Variants in ABCB5 observed in about 807,000 individuals in gnomAD.
ABCB5 encodes the protein ATP binding cassette subfamily B member 5, also known as ATP-binding cassette sub-family B member 5.
ABCB5 carries 155 observed loss-of-function variants against 144.2 expected under a neutral mutation model. The observed-to-expected ratio is 1.08, with a 90% CI of 0.94 to 1.23. ABCB5 has a LOEUF of 1.23. Ranked by LOEUF, ABCB5 falls within the 50% of genes most tolerant of loss-of-function variation. The probability of loss-of-function intolerance (pLI) is 0.00; values close to 1 mark genes in which losing one functional copy is unlikely to be tolerated. For missense variants in ABCB5, 1,830 were observed against 1,520.8 expected, an observed-to-expected ratio of 1.20 and a Z score of -3.38; for synonymous variants, 610 against 528.6, an observed-to-expected ratio of 1.15 and a Z score of -2.11.
At position 20,643,532 on chromosome 7, in the gene ABCB5, C is replaced by T. The variant is rs768578610; in HGVS notation, c.578C>T (p.Ser193Leu). 84 of 1,613,790 alleles carry T rather than the reference C, an allele frequency of 5.2e-5. No individual in the cohort carries two copies. Among genetic ancestry groups the T allele is most frequent in the Admixed American group, 8.3e-5 (5 of 59,982 alleles). ...TTGTTTCAAAACATGTCTACTTTTT[C>T]GATTGGCCTGGCAGTTGGTTTGGTG... ...ALLFQNMSTF[S>L]IGLAVGLVKG... Residue 193 changes from serine (S) to leucine (L), a missense_variant, in exon 7 of 28, where the codon TCG becomes TTG. Ser to Leu is a moderately radical substitution (Grantham distance 145). Transcript: ENST00000404938.
chr7:20,628,840 T>C lies in ABCB5; in HGVS notation c.259+2T>C. 6.2e-7 allele frequency: 1 copy of C among 1,613,244 alleles called. No homozygotes were observed. The highest frequency in any genetic ancestry group is 1.1e-5 in the South Asian group (1 of 91,002). On this transcript the variant is annotated splice_donor_variant, in intron 4 of 27. Transcript: ENST00000404938. LOFTEE classifies it high-confidence loss of function. ...GATGTCTAGTCCAAACTAACACAAG[T>C]GAGTATACGATTATTTTTCTGTATC...
chr7:20,684,857 A>G lies in ABCB5; in HGVS notation c.1870-839A>G, dbSNP rs112963348. 3.1e-3 allele frequency among the ~76,000 whole-genome samples: 476 copies of G among 152,240 alleles called. 4 individuals are homozygous for G. Among genetic ancestry groups the G allele is most frequent in the African/African-American group, 0.011 (449 of 41,538 alleles). The stretch of plus-strand genomic sequence containing the variant: ...TCTCCTTGTGCACCTAAATCGACCT[A>G]CATTTTCCATCTCTTCCCCACGTTG... On this transcript the variant is annotated intron_variant, in intron 15 of 27. Coordinates refer to ENST00000404938, the MANE Select transcript of ABCB5 (RefSeq NM_001163941.2).
At chr7:20,637,423 T>C (rs1256760335) in intron 5 of ABCB5, among the ~76,000 whole-genome samples, 1 of 148,590 alleles carries the variant, frequency 6.7e-6, no homozygotes, top group Non-Finnish European at 1.5e-5. Flanking sequence ...TTACTTAATT[T>C]TTTTTTTTTT....
At chr7:20,721,122 T>C (rs1385521495) in intron 20 of ABCB5, among the ~76,000 whole-genome samples, 2 of 152,136 alleles carry the variant, frequency 1.3e-5, no homozygotes, top group Non-Finnish European at 2.9e-5. Flanking sequence ...GATAGTTATG[T>C]AGTTTCCTGA....
chr7:20,710,381 A>AAG (rs1242291728), intron 20 of ABCB5, among the ~76,000 whole-genome samples: 30 of 56,740 alleles, frequency 5.3e-4, no homozygotes, highest in South Asian at 5.0e-3. Flanking sequence ...AAAAAAAAAA[A>AAG]GTGGGGGGGG....
chr7:20,681,783 T>A, intron 15 of ABCB5, 117 bp downstream of exon 15: 1 of 1,155,598 alleles, frequency 8.7e-7, no homozygotes, highest in Non-Finnish European at 1.2e-6. Context: ...CAACCAAGGT[T>A]TATAGTTCCT....
chr7:20,685,609 G>A (rs905594510), intron 15 of ABCB5, 87 bp from the exon 16 acceptor site: 21 of 1,225,538 alleles, frequency 1.7e-5, no homozygotes, highest in African/African-American at 3.1e-5. Context: ...TAGCAAAGGC[G>A]ATAACAGCTT....
rs570313610 is a variant in ABCB5 at position 20,615,816 on chromosome 7, A to T, written c.-43A>T. 2.4e-4 allele frequency: 37 copies of T among 152,468 alleles called. No individual in the cohort carries two copies. The highest frequency in any genetic ancestry group is 8.4e-4 in the African/African-American group (35 of 41,574). 9.4% of individuals were successfully genotyped at this position (152,468 alleles called of 1,614,324 possible). ...CAACTGACTGGATGGGGCCCACTCAAAACAGCATCTAAGGAATTAAAGTAA... is the reference window on the plus strand; with the variant it reads ...CAACTGACTGGATGGGGCCCACTCATAACAGCATCTAAGGAATTAAAGTAA... On this transcript the variant is annotated 5_prime_UTR_variant, in exon 1 of 28. Transcript: ENST00000404938.
chr7:20,663,595 G>A (rs1386329810), intron 14 of ABCB5, among the ~76,000 whole-genome samples: 2 of 152,134 alleles, frequency 1.3e-5, no homozygotes, highest in African/African-American at 4.8e-5. Context: ...ATGGGAAAGC[G>A]GGGAGTTAGT....
intron 20 of ABCB5, among the ~76,000 whole-genome samples, chr7:20,716,919 C>T (rs6972085): frequency 0.72 from 109,557 of 151,872 alleles, 40,659 homozygotes; most frequent in East Asian, 0.95. Context: ...AATCTCCTTT[C>T]GCCATCTACT....
At chr7:20,726,955 C>A in intron 21 of ABCB5, 85 bp from the exon 22 acceptor site, 1 of 832,156 alleles carries the variant, frequency 1.2e-6, no homozygotes, top group Non-Finnish European at 1.8e-6. Flanking sequence ...AATATGTCCC[C>A]AGTGTGAGTG....
intron 1 of ABCB5, among the ~76,000 whole-genome samples, chr7:20,621,822 G>C (rs1174063274): frequency 6.6e-6 from 1 of 152,154 alleles, no homozygotes; most frequent in Non-Finnish European, 1.5e-5. Flanking sequence ...CAAATGTGCT[G>C]TTGACTTGTT....
chr7:20,685,776 T>C lies in ABCB5; in HGVS notation c.1950T>C (p.Ser650=), dbSNP rs368186203. The C allele has an allele frequency of 2.7e-4, 443 of 1,613,220 alleles. No individual in the cohort carries two copies. Among genetic ancestry groups the C allele is most frequent in the Middle Eastern group, 2.0e-3 (12 of 6,058 alleles). Residue 650 remains serine, a synonymous_variant, in exon 16 of 28, where the codon TCT becomes TCC. Transcript: ENST00000404938. The stretch of plus-strand genomic sequence containing the variant: ...AGACCAACTCACTTCCTCTGCACTC[T>C]GTGAAGAGCATCAAGTCAGACTTCA... ...ERKTNSLPLH[S]VKSIKSDFID... is the part of the protein sequence containing the mutation.
intron 20 of ABCB5, among the ~76,000 whole-genome samples, chr7:20,711,768 T>A (rs1787045013): frequency 1.6e-5 from 1 of 61,674 alleles, no homozygotes; most frequent in Non-Finnish European, 2.8e-5. Flanking sequence ...CTGCCTGCCT[T>A]TCCTTCTTTC....
intron 5 of ABCB5, among the ~76,000 whole-genome samples, chr7:20,634,236 T>TG (rs1164880334): frequency 1.5e-4 from 13 of 87,944 alleles, no homozygotes; most frequent in African/African-American, 5.5e-4. Flanking sequence ...TAGTATTCCA[T>TG]GTTGTGTGTG....
chr7:20,617,131 A>T (rs1266708517), intron 1 of ABCB5, among the ~76,000 whole-genome samples: 1 of 152,120 alleles, frequency 6.6e-6, no homozygotes, highest in African/African-American at 2.4e-5. Flanking sequence ...GCCTTTTTTT[A>T]AAATTGTGAC....
intron 5 of ABCB5, among the ~76,000 whole-genome samples, chr7:20,634,333 A>G (rs1304601873): frequency 2.0e-5 from 3 of 151,190 alleles, no homozygotes; most frequent in Non-Finnish European, 4.4e-5. Context: ...TATCTTTGCT[A>G]TTGTGAATAG....
chr7:20,730,221 A>G (rs1782162943), intron 23 of ABCB5, among the ~76,000 whole-genome samples: 1 of 152,220 alleles, frequency 6.6e-6, no homozygotes, highest in African/African-American at 2.4e-5. Context: ...TAAAATTTCA[A>G]CAGAAGGGCT....
chr7:20,655,093 GAGAGA>G (rs1264420715), intron 13 of ABCB5, among the ~76,000 whole-genome samples: 2 of 150,024 alleles, frequency 1.3e-5, no homozygotes, highest in African/African-American at 4.9e-5. Flanking sequence ...AAAAGAGAGA[GAGAGA>G]GAAAAGAGAT....
Sources: gnomAD v4.1 joint callset for allele counts (sites outside exome capture counted in the v4.1 genomes callset) on GRCh38, gnomAD v4.1.1 for gene constraint, MANE v1.5 for transcripts, NCBI Gene and HGNC (gene_info 2026-07-23, HGNC 2026-07-21) for gene names.